Variants in EPB41L3 observed in about 807,000 individuals in gnomAD.
EPB41L3 encodes band 4.1-like protein 3.
Under a neutral mutation model 127.1 loss-of-function variants are expected in EPB41L3, and 57 were observed. The observed-to-expected ratio is 0.45, with a 90% CI of 0.36 to 0.56. The LOEUF is 0.56. Ranked by LOEUF, EPB41L3 falls within the 20% of genes least tolerant of loss-of-function variation. The probability of loss-of-function intolerance (pLI) is 0.00; values close to 1 mark genes in which losing one functional copy is unlikely to be tolerated. For missense variants in EPB41L3, 1,273 were observed against 1,372.2 expected, an observed-to-expected ratio of 0.93 and a Z score of 1.14; for synonymous variants, 572 against 549.5, an observed-to-expected ratio of 1.04 and a Z score of -0.57.
upstream of EPB41L3, among the ~76,000 whole-genome samples, chr18:5,547,941 G>T (rs537620485): frequency 6.6e-6 from 1 of 152,284 alleles, no homozygotes; most frequent in East Asian, 1.9e-4. Context: ...TCTGAACTTT[G>T]CTCTCAAACA....
At chr18:5,424,390 A>G (rs1435893773) in intron 9 of EPB41L3, 31 bp from the exon 10 acceptor site, 2 of 1,515,340 alleles carry the variant, frequency 1.3e-6, no homozygotes, top group Non-Finnish European at 1.8e-6. Flanking sequence ...TGAAGAGTAA[A>G]GTTTAAAATT....
At chr18:5,527,756 A>C (rs2093277982) in intron 1 of EPB41L3, among the ~76,000 whole-genome samples, 1 of 152,232 alleles carries the variant, frequency 6.6e-6, no homozygotes, top group African/African-American at 2.4e-5. Flanking sequence ...AACGCAGAGG[A>C]AGAATGTTCC....
In EPB41L3 at chr18:5,543,085, G is replaced by A. The variant is rs1165663031; in HGVS notation, c.-12+828C>T. ...GTGAGTCGCGCCGCCCCGAGCCCCCGGGCCACGGCAGGCCGACCCAGGCGC... is the reference window on the plus strand; with the variant it reads ...GTGAGTCGCGCCGCCCCGAGCCCCCAGGCCACGGCAGGCCGACCCAGGCGC... On this transcript the variant is annotated intron_variant, in intron 1 of 22. Coordinates refer to ENST00000341928, the MANE Select transcript of EPB41L3 (RefSeq NM_012307.5). This position sits in a 1 kb window ranked among gnomAD's most constrained non-coding sequence, Gnocchi z 5.2. Among the ~76,000 whole-genome samples, 1 of 151,642 alleles carries A rather than the reference G, an allele frequency of 6.6e-6. No homozygotes were observed. The highest frequency in any genetic ancestry group is 2.4e-5 in the African/African-American group (1 of 41,356).
At chr18:5,401,132 A>C (rs184285550) in intron 16 of EPB41L3, 33 of 638,050 alleles carry the variant, frequency 5.2e-5, no homozygotes, top group African/African-American at 5.0e-4. Flanking sequence ...TCATTGTATT[A>C]TCTCTATCTA....
intron 3 of EPB41L3, among the ~76,000 whole-genome samples, chr18:5,577,837 T>C (rs533583967): frequency 2.0e-5 from 3 of 152,346 alleles, no homozygotes; most frequent in Non-Finnish European, 2.9e-5. Context: ...ATTTTGAACA[T>C]CTACAGATAG....
At chr18:5,447,357 T>C (rs1406438370) in intron 3 of EPB41L3, among the ~76,000 whole-genome samples, 1 of 151,872 alleles carries the variant, frequency 6.6e-6, no homozygotes. Context: ...ATCCAACTCC[T>C]GGTGGTGCCA....
At chr18:5,524,296 C>G (rs1367852292) in intron 1 of EPB41L3, among the ~76,000 whole-genome samples, 1 of 152,064 alleles carries the variant, frequency 6.6e-6, no homozygotes, top group Non-Finnish European at 1.5e-5. Context: ...CGGGTTTAAC[C>G]AAGTCTCCCG....
intron 19 of EPB41L3, 106 bp from the exon 20 acceptor site, chr18:5,395,813 T>C (rs1211019054): frequency 1.5e-5 from 12 of 813,238 alleles, no homozygotes; most frequent in Admixed American, 1.2e-4. Context: ...TCTCCTATTA[T>C]GCAATCATTA....
At chr18:5,482,751 C>T (rs1319293166) in intron 2 of EPB41L3, among the ~76,000 whole-genome samples, 2 of 152,036 alleles carry the variant, frequency 1.3e-5, no homozygotes, top group African/African-American at 2.4e-5. Context: ...AATATTGCAT[C>T]CAACAAAATT....
At position 5,437,060 on chromosome 18, in the gene EPB41L3, T is replaced by C. The variant is rs1025538058; in HGVS notation, c.605+975A>G. On this transcript the variant is annotated intron_variant, in intron 6 of 22. Coordinates refer to ENST00000341928, the MANE Select transcript of EPB41L3 (RefSeq NM_012307.5). ...CTTACTACGGAGCTGAGCAAGAGAG[T>C]AGGGGTTCTAAGGTGAATGGAGAGA... Among the ~76,000 whole-genome samples the C allele has an allele frequency of 7.9e-5, 12 of 151,872 alleles. No homozygotes were observed. In the South Asian group the frequency reaches 8.3e-4, roughly 11 times the overall value.
chr18:5,605,967 G>A (rs2094647299), intron 3 of EPB41L3, among the ~76,000 whole-genome samples: 1 of 152,170 alleles, frequency 6.6e-6, no homozygotes, highest in Non-Finnish European at 1.5e-5. Context: ...ACAGATGCTT[G>A]AGGCTTCCAG....
At chr18:5,523,045 C>T (rs1449221508) in intron 1 of EPB41L3, among the ~76,000 whole-genome samples, 1 of 152,096 alleles carries the variant, frequency 6.6e-6, no homozygotes, top group Non-Finnish European at 1.5e-5. Context: ...GACCTAGTAT[C>T]AAACGCATCA....
intron 2 of EPB41L3, chr18:5,488,700 A>C (rs755751626): frequency 3.2e-6 from 1 of 316,278 alleles, no homozygotes; most frequent in East Asian, 5.8e-5. Flanking sequence ...AACCACAAGC[A>C]TAATTAAAGC....
intron 16 of EPB41L3, among the ~76,000 whole-genome samples, chr18:5,404,579 T>C (rs1188111694): frequency 6.6e-6 from 1 of 152,180 alleles, no homozygotes; most frequent in Non-Finnish European, 1.5e-5. Context: ...TCCTTGGGCT[T>C]ATCAAATGTT....
At chr18:5,582,633 G>C (rs939314524) in intron 3 of EPB41L3, among the ~76,000 whole-genome samples, 1 of 152,192 alleles carries the variant, frequency 6.6e-6, no homozygotes, top group Non-Finnish European at 1.5e-5. Flanking sequence ...GAACATGAGT[G>C]CTAGAAAGGA....
chr18:5,532,654 C>T (rs895463336), intron 1 of EPB41L3, among the ~76,000 whole-genome samples: 1 of 152,132 alleles, frequency 6.6e-6, no homozygotes, highest in Admixed American at 6.5e-5. Flanking sequence ...TTTAATTTTG[C>T]TTGGTTCTTT....
chr18:5,539,930 T>G (rs2093674752), intron 1 of EPB41L3, among the ~76,000 whole-genome samples: 1 of 152,158 alleles, frequency 6.6e-6, no homozygotes, highest in African/African-American at 2.4e-5. Context: ...TGAAACACCT[T>G]TTTCCATTTT....
intron 2 of EPB41L3, among the ~76,000 whole-genome samples, chr18:5,613,756 C>T (rs1351962910): frequency 6.6e-6 from 1 of 152,182 alleles, no homozygotes; most frequent in Non-Finnish European, 1.5e-5. Flanking sequence ...TTCTCTTCTG[C>T]TAAGCTAGGC....
chr18:5,461,000 C>T (rs1376471637), intron 3 of EPB41L3, among the ~76,000 whole-genome samples: 1 of 152,128 alleles, frequency 6.6e-6, no homozygotes, highest in Non-Finnish European at 1.5e-5. Context: ...TGAAATATTA[C>T]ATTTCCAGTT....
Sources: gnomAD v4.1 joint callset for allele counts (sites outside exome capture counted in the v4.1 genomes callset) on GRCh38, gnomAD v4.1.1 for gene constraint, Gnocchi (gnomAD v3.1) non-coding constraint, MANE v1.5 for transcripts, NCBI Gene and HGNC (gene_info 2026-07-23, HGNC 2026-07-21) for gene names.